Variants in SDSL observed in about 807,000 individuals in gnomAD.
SDSL encodes the protein serine dehydratase-like.
In SDSL, 26 loss-of-function variants were observed where a neutral mutation model predicts 27.6. That is an observed-to-expected ratio of 0.94 (90% CI 0.69 to 1.31). The LOEUF is 1.31. Ranked by LOEUF, SDSL falls within the 50% of genes most tolerant of loss-of-function variation. SDSL has a pLI of 0.00. For synonymous variants in SDSL, 196 were observed against 180.6 expected (o/e 1.09, Z -0.69); for missense variants, 431 against 423.5 (o/e 1.02, Z -0.16).
chr12:113,430,154 C>T (rs187034154), intron 4 of SDSL, among the ~76,000 whole-genome samples: 94 of 151,652 alleles, frequency 6.2e-4, no homozygotes, highest in African/African-American at 2.2e-3. Flanking sequence ...ATCCATCCAT[C>T]CATCAGATAT....
At chr12:113,436,722 T>C (rs1334977595) in intron 6 of SDSL, 29 bp from the exon 7 acceptor site, 6 of 1,554,444 alleles carry the variant, frequency 3.9e-6, no homozygotes, top group Non-Finnish European at 4.3e-6. Context: ...GCCCCTGGTC[T>C]CCCTGCCCCA....
intron 1 of SDSL, among the ~76,000 whole-genome samples, chr12:113,425,506 A>C (rs1056831909): frequency 1.3e-5 from 2 of 152,154 alleles, no homozygotes; most frequent in East Asian, 3.9e-4. Flanking sequence ...GGGCAGGGGA[A>C]GTTGCAGCGC....
At chr12:113,435,198 G>C in intron 5 of SDSL, 131 bp from the exon 6 acceptor site, 2 of 558,674 alleles carry the variant, frequency 3.6e-6, no homozygotes. Context: ...GGATGGGATG[G>C]GGATGGTGGG....
chr12:113,434,154 G>A lies in SDSL; in HGVS notation c.375G>A (p.Leu125=). ...LTGKVWDEAN[L]RAQELAKRDG... is the part of the protein sequence containing the mutation. ...TGTAGGTCTGGGACGAGGCCAATCT[G>A]AGGGCGCAAGAGTTGGCCAAGAGGG... Residue 125 remains leucine (L), a synonymous_variant, in exon 5 of 8, where the codon CTG becomes CTA. Coordinates refer to ENST00000403593, the MANE Select transcript of SDSL (RefSeq NM_001304993.2). 2 of 1,613,792 alleles carry A rather than the reference G, an allele frequency of 1.2e-6. No homozygotes were observed. Among genetic ancestry groups the A allele is most frequent in the South Asian group, 2.2e-5 (2 of 91,014 alleles).
At position 113,435,544 on chromosome 12, in the gene SDSL, C is replaced by T. The variant is rs1412180635; in HGVS notation, c.659C>T (p.Pro220Leu). 8 of 1,613,066 alleles carry T rather than the reference C, an allele frequency of 5.0e-6. No homozygotes were observed. The highest frequency in any genetic ancestry group is 2.7e-5 in the African/African-American group (2 of 74,932). ...AITAGKLVTLPDITSVAKSLG... is the reference protein window; with the variant it reads ...AITAGKLVTLLDITSVAKSLG... ...ACAGCCGGCAAGCTGGTCACACTTC[C>T]AGACATCACCAGGTGGGTAAGGGCT... Residue 220 changes from proline to leucine, a missense_variant, in exon 6 of 8, where the codon CCA becomes CTA. By Grantham distance (98) the Pro-to-Leu change is moderately conservative. Coordinates refer to ENST00000403593, the MANE Select transcript of SDSL (RefSeq NM_001304993.2).
In SDSL at chr12:113,434,229, C is replaced by T; in HGVS notation, c.443+7C>T. On this transcript the variant is annotated splice_region_variant and intron_variant, in intron 5 of 7. Transcript: ENST00000403593. ...TTGACCACCCCCTAATATGGTAAGGCTGACGCCCCTCTCCCCAGGAGTCCA... is the reference window on the plus strand; with the variant it reads ...TTGACCACCCCCTAATATGGTAAGGTTGACGCCCCTCTCCCCAGGAGTCCA... 1 of 1,598,650 alleles carries T rather than the reference C, an allele frequency of 6.3e-7. No individual in the cohort carries two copies. The highest frequency in any genetic ancestry group is 8.5e-7 in the Non-Finnish European group (1 of 1,169,806).
rs1261565260 is a variant in SDSL at position 113,437,884 on chromosome 12, A to C, written c.797-2A>C. On this transcript the variant is annotated splice_acceptor_variant, in intron 7 of 7. Coordinates refer to ENST00000403593, the MANE Select transcript of SDSL (RefSeq NM_001304993.2). LOFTEE classifies it high-confidence loss of function. ...CCTCTCTCCATCCCCCGATCCTGGC[A>C]GATGATGAGCGTATGCTGGTGGAGC... 1 of 1,591,850 alleles carries C rather than the reference A, an allele frequency of 6.3e-7. No homozygotes were observed. Among genetic ancestry groups the C allele is most frequent in the African/African-American group, 1.4e-5 (1 of 73,968 alleles).
intron 2 of SDSL, 90 bp downstream of exon 2, chr12:113,428,246 G>A (rs921341266): frequency 5.0e-6 from 7 of 1,399,204 alleles, no homozygotes; most frequent in Non-Finnish European, 6.9e-6. Context: ...GTTCGGGCAG[G>A]AGGGGAAACA....
At chr12:113,432,280 CT>C (rs539921781) in intron 4 of SDSL, among the ~76,000 whole-genome samples, 7 of 129,250 alleles carry the variant, frequency 5.4e-5, no homozygotes, top group African/African-American at 2.1e-4. Flanking sequence ...TTCTTTCTTT[CT>C]TTCTTTCTTT....
intron 1 of SDSL, among the ~76,000 whole-genome samples, chr12:113,424,533 T>A (rs1183119905): frequency 1.3e-5 from 2 of 152,230 alleles, no homozygotes; most frequent in Non-Finnish European, 2.9e-5. Context: ...GGTTGATGTC[T>A]ATCTTGTCCA....
chr12:113,437,608 G>C (rs570673831), intron 7 of SDSL, among the ~76,000 whole-genome samples: 1 of 152,306 alleles, frequency 6.6e-6, no homozygotes, highest in East Asian at 1.9e-4. Flanking sequence ...TGGATATGTT[G>C]ATGGATGGGT....
intron 4 of SDSL, 109 bp from the exon 5 acceptor site, chr12:113,434,025 T>C: frequency 1.2e-6 from 1 of 837,184 alleles, no homozygotes; most frequent in Non-Finnish European, 1.9e-6. Flanking sequence ...TGCAGGGCTG[T>C]CCCCAGACTA....
chr12:113,422,991 G>C (rs1475036399), intron 1 of SDSL: 2 of 152,294 alleles, frequency 1.3e-5, no homozygotes, highest in Non-Finnish European at 2.9e-5. Context: ...GGGAGACCCA[G>C]GTCCCCCATT....
At chr12:113,432,083 G>A (rs1957928771) in intron 4 of SDSL, among the ~76,000 whole-genome samples, 4 of 151,282 alleles carry the variant, frequency 2.6e-5, no homozygotes, top group African/African-American at 9.7e-5. Context: ...TAGAGACAGG[G>A]TTTCACCATG....
intron 1 of SDSL, 73 bp downstream of exon 1, chr12:113,422,550 C>G (rs188571581): frequency 5.9e-5 from 9 of 152,816 alleles, no homozygotes; most frequent in African/African-American, 2.2e-4. Context: ...TGAGAGGCTG[C>G]AGGAGTTTGG....
chr12:113,438,049 G>C lies in SDSL; in HGVS notation c.960G>C (p.Gln320His). The change falls in exon 8 of 8, where the codon CAG becomes CAC. Residue 320 changes from glutamine (Q) to histidine (H), a missense_variant. By Grantham distance (24) the Gln-to-His change is conservative. Coordinates refer to ENST00000403593, the MANE Select transcript of SDSL (RefSeq NM_001304993.2). ...ACAACATCAACAGCCGAGAGCTGCA[G>C]GCTTTGAAAACCCACCTGGGCCAGG... ...GGNNINSREL[Q>H]ALKTHLGQV 16 of 1,614,096 alleles carry C rather than the reference G, an allele frequency of 9.9e-6. No individual in the cohort carries two copies. Among genetic ancestry groups the C allele is most frequent in the Non-Finnish European group, 1.4e-5 (16 of 1,180,000 alleles).
intron 2 of SDSL, 87 bp downstream of exon 2, chr12:113,428,243 C>A: frequency 7.1e-7 from 1 of 1,399,314 alleles, no homozygotes; most frequent in South Asian, 1.3e-5. Flanking sequence ...CGGGTTCGGG[C>A]AGGAGGGGAA....
intron 6 of SDSL, among the ~76,000 whole-genome samples, chr12:113,435,993 C>T (rs1346054644): frequency 2.0e-5 from 3 of 152,218 alleles, no homozygotes; most frequent in East Asian, 3.9e-4. Flanking sequence ...TGGTAGCGCA[C>T]GCCTGTAGTC....
At chr12:113,425,397 G>A (rs2136948110) in intron 1 of SDSL, among the ~76,000 whole-genome samples, 1 of 152,218 alleles carries the variant, frequency 6.6e-6, no homozygotes, top group Middle Eastern at 3.4e-3. Context: ...ATTCTGACAA[G>A]GGCGTGGGGT....
Sources: gnomAD v4.1 joint callset for allele counts (sites outside exome capture counted in the v4.1 genomes callset) on GRCh38, gnomAD v4.1.1 for gene constraint, MANE v1.5 for transcripts, NCBI Gene and HGNC (gene_info 2026-07-23, HGNC 2026-07-21) for gene names.